TIAM2: variants seen among roughly 807,000 people sequenced by gnomAD.
TIAM2 encodes TIAM Rac1 associated GEF 2.
TIAM2 carries 80 observed loss-of-function variants against 152.9 expected under a neutral mutation model. The observed-to-expected ratio is 0.52, with a 90% CI of 0.44 to 0.63. The LOEUF (loss-of-function observed/expected upper bound fraction) is 0.63, where lower values mean the gene tolerates loss of function less well. Among genes scored for constraint, TIAM2 ranks in the 30% least tolerant of loss-of-function variants. TIAM2 has a pLI of 0.00. For missense variants in TIAM2, 1,965 were observed against 2,120.1 expected, an observed-to-expected ratio of 0.93 and a Z score of 1.44; for synonymous variants, 804 against 838.0, an observed-to-expected ratio of 0.96 and a Z score of 0.70.
At chr6:155,041,320 A>G (rs1041622736) in intron 1 of TIAM2, among the ~76,000 whole-genome samples, 4 of 152,208 alleles carry the variant, frequency 2.6e-5, no homozygotes, top group African/African-American at 9.6e-5. Context: ...GTCTGTGGTG[A>G]ATTGAAAGTT....
At chr6:155,030,211 AAGATAGAGCATGGGATGAGGCAGGCC>A (rs1480931702) in intron 1 of TIAM2, among the ~76,000 whole-genome samples, 1 of 152,124 alleles carries the variant, frequency 6.6e-6, no homozygotes. Context: ...AGAGGGAGGC[AAGATAGAGCATGGGATGAGGCAGGCC>A]AGATGCAGAT....
At chr6:155,198,946 C>T (rs772245603) in intron 14 of TIAM2, among the ~76,000 whole-genome samples, 10 of 152,076 alleles carry the variant, frequency 6.6e-5, no homozygotes, top group South Asian at 2.1e-4. Context: ...TGGGAGTCCA[C>T]GGAGCCTAGC....
chr6:155,129,465 C>G lies in TIAM2; in HGVS notation c.242C>G (p.Pro81Arg), dbSNP rs772299884. ...NQPYASRLGGPTCKVSRGVAY... is the reference protein window; with the variant it reads ...NQPYASRLGGRTCKVSRGVAY... Reference sequence around the variant, plus strand: ...CCTTACGCATCGAGACTCGGTGGCCCCACATGCAAGGTCTCCAGAGGTGTT... The same window carrying G: ...CCTTACGCATCGAGACTCGGTGGCCGCACATGCAAGGTCTCCAGAGGTGTT... The change falls in exon 4 of 27, where the codon CCC becomes CGC. Residue 81 changes from proline to arginine, a missense_variant. Pro to Arg is a moderately radical substitution (Grantham distance 103). Coordinates refer to ENST00000682666, the MANE Select transcript of TIAM2 (RefSeq NM_012454.4). The surrounding 1 kb of genome is among the most constrained non-coding windows in gnomAD (Gnocchi z 4.8). 6.2e-7 allele frequency: 1 copy of G among 1,614,076 alleles called. No homozygotes were observed. Among genetic ancestry groups the G allele is most frequent in the South Asian group, 1.1e-5 (1 of 91,084 alleles).
At chr6:155,215,885 G>A (rs1477801952) in intron 15 of TIAM2, among the ~76,000 whole-genome samples, 1 of 151,794 alleles carries the variant, frequency 6.6e-6, no homozygotes, top group Non-Finnish European at 1.5e-5. Context: ...TCGACTCACT[G>A]CTGCCTTGAC....
intron 1 of TIAM2, among the ~76,000 whole-genome samples, chr6:155,023,163 A>G (rs1002072013): frequency 1.3e-5 from 2 of 149,226 alleles, no homozygotes; most frequent in Non-Finnish European, 3.0e-5. Flanking sequence ...TCTGAGTTTG[A>G]CTTGGATTTA....
At chr6:155,211,927 TG>T (rs1781732600) in intron 15 of TIAM2, among the ~76,000 whole-genome samples, 1 of 152,202 alleles carries the variant, frequency 6.6e-6, no homozygotes, top group African/African-American at 2.4e-5. Context: ...CTGTCTCATT[TG>T]CCAATTTCTA....
chr6:155,159,552 G>T (rs900931992), intron 7 of TIAM2, among the ~76,000 whole-genome samples: 1 of 152,184 alleles, frequency 6.6e-6, no homozygotes, highest in Non-Finnish European at 1.5e-5. Context: ...AGAAATGAAG[G>T]TATGGTAATA....
intron 2 of TIAM2, among the ~76,000 whole-genome samples, chr6:155,099,849 C>T (rs976649555): frequency 3.9e-5 from 6 of 152,198 alleles, no homozygotes; most frequent in Non-Finnish European, 7.3e-5. Context: ...CTAGATGGTA[C>T]AGCCTACTAC....
chr6:155,206,408 T>C (rs112609289), intron 14 of TIAM2, among the ~76,000 whole-genome samples: 6 of 152,262 alleles, frequency 3.9e-5, no homozygotes, highest in African/African-American at 1.4e-4. Flanking sequence ...GCTAATTTTT[T>C]GTATTTTTAG....
chr6:155,028,469 CTG>C (rs1388542687), intron 1 of TIAM2, among the ~76,000 whole-genome samples: 2 of 130,420 alleles, frequency 1.5e-5, no homozygotes, highest in Middle Eastern at 0.012. Flanking sequence ...AATATATATA[CTG>C]TGTTACATAT....
intron 1 of TIAM2, among the ~76,000 whole-genome samples, chr6:155,042,968 C>T (rs924843523): frequency 3.9e-5 from 6 of 152,110 alleles, no homozygotes; most frequent in South Asian, 2.1e-4. Flanking sequence ...TAGTAGTAAT[C>T]GTCATGATAA....
intron 1 of TIAM2, among the ~76,000 whole-genome samples, chr6:155,029,484 A>ACT (rs1776763678): frequency 7.3e-5 from 1 of 13,778 alleles, no homozygotes; most frequent in African/African-American, 2.1e-4. Flanking sequence ...TAGTATATAT[A>ACT]CTATAGTATA....
chr6:155,150,976 A>G (rs766700465), intron 7 of TIAM2, among the ~76,000 whole-genome samples: 4 of 152,212 alleles, frequency 2.6e-5, no homozygotes, highest in South Asian at 2.1e-4. Flanking sequence ...TTTTATCCCC[A>G]TTCACGCTAC....
At chr6:155,048,798 T>C (rs12663077) in intron 1 of TIAM2, among the ~76,000 whole-genome samples, 1,793 of 151,426 alleles carry the variant, frequency 0.012, 25 homozygotes, top group East Asian at 0.053. Context: ...CAATCCACTC[T>C]TTGTTTTTTT....
intron 5 of TIAM2, among the ~76,000 whole-genome samples, chr6:155,138,150 G>C (rs1779599076): frequency 6.6e-6 from 1 of 152,038 alleles, no homozygotes; most frequent in African/African-American, 2.4e-5. Context: ...CTATTATAAT[G>C]GTTGGATTTA....
At chr6:155,023,728 A>C (rs1179066179) in intron 1 of TIAM2, among the ~76,000 whole-genome samples, 5 of 152,172 alleles carry the variant, frequency 3.3e-5, no homozygotes. Context: ...GGAAATACTC[A>C]TTGAACTTGA....
intron 1 of TIAM2, among the ~76,000 whole-genome samples, chr6:155,003,730 A>G (rs1338439006): frequency 2.0e-5 from 3 of 152,048 alleles, no homozygotes; most frequent in African/African-American, 7.2e-5. Flanking sequence ...TCCTCTGCCA[A>G]TTTACTGTGA....
intron 1 of TIAM2, among the ~76,000 whole-genome samples, chr6:154,998,315 ATAAGAATT>A: frequency 6.6e-6 from 1 of 152,364 alleles, no homozygotes; most frequent in South Asian, 2.1e-4. Flanking sequence ...CGTTTTGTAT[ATAAGAATT>A]TAAGCCATCC....
intron 4 of TIAM2, among the ~76,000 whole-genome samples, chr6:155,130,962 C>T (rs1779432286): frequency 6.7e-6 from 1 of 149,224 alleles, no homozygotes; most frequent in Non-Finnish European, 1.5e-5. Flanking sequence ...TAGTTAAGGC[C>T]TCAACATGGA....
Sources: gnomAD v4.1 joint callset for allele counts (sites outside exome capture counted in the v4.1 genomes callset) on GRCh38, gnomAD v4.1.1 for gene constraint, Gnocchi (gnomAD v3.1) non-coding constraint, MANE v1.5 for transcripts, NCBI Gene and HGNC (gene_info 2026-07-23, HGNC 2026-07-21) for gene names.